The following SLC25A14 variants were observed in gnomAD, a reference collection of about 807,000 sequenced individuals.
SLC25A14 encodes solute carrier family 25 member 14.
A neutral mutation model predicts 28.1 loss-of-function variants in SLC25A14; 8 were observed. The observed-to-expected ratio is 0.28, with a 90% CI of 0.17 to 0.51. The LOEUF is 0.51. Among genes scored for constraint, SLC25A14 ranks in the 20% least tolerant of loss-of-function variants. SLC25A14 has a pLI of 0.97. For missense variants in SLC25A14, 135 were observed against 263.8 expected, an observed-to-expected ratio of 0.51 and a Z score of 3.38; for synonymous variants, 74 against 90.6, an observed-to-expected ratio of 0.82 and a Z score of 1.04.
chrX:130,350,544 C>T, intron 5 of SLC25A14, 102 bp from the exon 6 acceptor site: 1 of 363,905 alleles, frequency 2.7e-6, no homozygotes, highest in Admixed American at 4.7e-5. Flanking sequence ...TTTCTAAAGT[C>T]ATCTCTCTAA....
intron 7 of SLC25A14, among the ~76,000 whole-genome samples, chrX:130,363,414 G>T: frequency 8.9e-6 from 1 of 112,422 alleles, no homozygotes; most frequent in Non-Finnish European, 1.9e-5. Flanking sequence ...TAATTCCATT[G>T]TGTGGGTATA....
chrX:130,354,408 C>T (rs752454921), intron 6 of SLC25A14, among the ~76,000 whole-genome samples: 2 of 112,207 alleles, frequency 1.8e-5, no homozygotes, highest in African/African-American at 6.5e-5. Flanking sequence ...CCACCGTGCC[C>T]GACCGCCTTT....
At chrX:130,365,316 C>G (rs2034087726) in intron 8 of SLC25A14, 2 of 967,501 alleles carry the variant, frequency 2.1e-6, no homozygotes, top group South Asian at 3.9e-5. Context: ...TAGAAACTCT[C>G]CTTTAAAAAA....
At chrX:130,355,740 T>C (rs1255488628) in intron 6 of SLC25A14, among the ~76,000 whole-genome samples, 2 of 112,138 alleles carry the variant, frequency 1.8e-5, no homozygotes, top group Non-Finnish European at 3.8e-5. Context: ...TTAATAGTTA[T>C]GTTTCTTAAG....
chrX:130,340,988 T>C (rs1001015283), intron 2 of SLC25A14, among the ~76,000 whole-genome samples: 4 of 110,903 alleles, frequency 3.6e-5, no homozygotes, highest in Non-Finnish European at 7.6e-5. Context: ...TCCAGTTAGG[T>C]TCCTTTCTTC....
At chrX:130,345,540 AG>A (rs1203391205) in intron 3 of SLC25A14, among the ~76,000 whole-genome samples, 12 of 111,474 alleles carry the variant, frequency 1.1e-4, no homozygotes, top group African/African-American at 3.9e-4. Context: ...GAATATATAG[AG>A]GGAGTTGATA....
chrX:130,346,455 G>A lies in SLC25A14; in HGVS notation c.170-89G>A, dbSNP rs779652880. On this transcript the variant is annotated intron_variant, in intron 3 of 10. Transcript: ENST00000545805. ...GTGTTATAAAAAGGACTTTGTCTTA[G>A]GATTCAAATATTGTCCTTGGCTTAT... 3.4e-4 allele frequency: 258 copies of A among 767,464 alleles called. 1 individual carries two copies. The African/African-American group carries it at 4.7e-3, about 14-fold the overall frequency. 63.2% of individuals were successfully genotyped at this position (767,464 alleles called of 1,213,427 possible).
At chrX:130,364,499 G>T in intron 7 of SLC25A14, 129 bp from the exon 8 acceptor site, 1 of 375,267 alleles carries the variant, frequency 2.7e-6, no homozygotes. Flanking sequence ...TCATTGATTT[G>T]AAAGAGTGAC....
chrX:130,357,783 G>A (rs758956691), intron 6 of SLC25A14, among the ~76,000 whole-genome samples: 2 of 111,793 alleles, frequency 1.8e-5, no homozygotes, highest in East Asian at 5.6e-4. Context: ...GAGTCTGTGG[G>A]AAATTGTACC....
intron 7 of SLC25A14, among the ~76,000 whole-genome samples, chrX:130,363,129 A>G (rs938833785): frequency 5.3e-5 from 6 of 112,385 alleles, no homozygotes; most frequent in Non-Finnish European, 1.1e-4. Flanking sequence ...TAGTGCAGCC[A>G]TTACCACTGT....
chrX:130,370,059 G>T (rs2034226148), intron 9 of SLC25A14, among the ~76,000 whole-genome samples: 1 of 111,782 alleles, frequency 8.9e-6, no homozygotes, highest in African/African-American at 3.2e-5. Flanking sequence ...AACAGTCTAG[G>T]TTCTAGGTTA....
intron 3 of SLC25A14, among the ~76,000 whole-genome samples, chrX:130,345,741 T>C (rs1359253898): frequency 8.9e-6 from 1 of 112,170 alleles, no homozygotes; most frequent in East Asian, 2.8e-4. Context: ...TTGTCGTTTT[T>C]TTCATCTTCC....
chrX:130,342,708 G>A (rs1444390269), intron 2 of SLC25A14, among the ~76,000 whole-genome samples: 1 of 110,436 alleles, frequency 9.1e-6, no homozygotes, highest in Non-Finnish European at 1.9e-5. Flanking sequence ...TGGCAATGGT[G>A]GGTTTTGCCT....
Position 130,345,256 on chromosome X carries a change from C to G in SLC25A14, c.150C>G (p.Ala50=), listed in dbSNP as rs777353425. 8.4e-7 allele frequency: 1 copy of G among 1,183,957 alleles called. No individual in the cohort carries two copies. The highest frequency in any genetic ancestry group is 1.1e-6 in the Non-Finnish European group (1 of 871,581). The change falls in exon 3 of 11, where the codon GCC becomes GCG. Residue 50 remains alanine, a synonymous_variant. Coordinates refer to ENST00000545805, the MANE Select transcript of SLC25A14 (RefSeq NM_001282195.2). ...NWKPFVYGGL[A]SIVAEFGTFP... is the part of the protein sequence containing the mutation. ...AACCCTTTGTATATGGCGGCCTTGC[C>G]TCTATCGTGGCTGAGTTTGGTAAGA...
intron 9 of SLC25A14, among the ~76,000 whole-genome samples, chrX:130,369,337 C>T (rs1304506010): frequency 9.0e-6 from 1 of 111,474 alleles, no homozygotes; most frequent in Non-Finnish European, 1.9e-5. Flanking sequence ...GAGACCCTTA[C>T]TGTTTTTGTG....
At chrX:130,361,853 G>A (rs1461446023) in intron 7 of SLC25A14, among the ~76,000 whole-genome samples, 2 of 111,725 alleles carry the variant, frequency 1.8e-5, no homozygotes, top group Non-Finnish European at 3.8e-5. Context: ...GAAATATCCT[G>A]ATTTTTACAT....
rs191414466 is a variant in SLC25A14 at position 130,359,313 on chromosome X, A to G, written c.594+578A>G. On this transcript the variant is annotated intron_variant, in intron 7 of 10. Coordinates refer to ENST00000545805, the MANE Select transcript of SLC25A14 (RefSeq NM_001282195.2). ...GGTTGCAGTGAGCCAAGATCATGCC[A>G]CTGCACTCCAGCCTAGGTGACAGGG... Among the ~76,000 whole-genome samples the G allele has an allele frequency of 9.6e-3, 942 of 98,502 alleles. 7 individuals are homozygous for G. The highest frequency in any genetic ancestry group is 0.015 in the Non-Finnish European group (727 of 49,403). 85.5% of individuals were successfully genotyped at this position (98,502 alleles called of 115,157 possible).
At chrX:130,372,697 C>T (rs779586344) in intron 10 of SLC25A14, among the ~76,000 whole-genome samples, 1 of 110,425 alleles carries the variant, frequency 9.1e-6, no homozygotes, top group Admixed American at 9.7e-5. Flanking sequence ...CTCCTGACCT[C>T]GTGATCCACC....
At chrX:130,345,527 C>G (rs1056538887) in intron 3 of SLC25A14, among the ~76,000 whole-genome samples, 3 of 111,492 alleles carry the variant, frequency 2.7e-5, no homozygotes, top group African/African-American at 9.7e-5. Flanking sequence ...AAGTAAAATA[C>G]ATGAATATAT....
Sources: gnomAD v4.1 joint callset for allele counts (sites outside exome capture counted in the v4.1 genomes callset) on GRCh38, gnomAD v4.1.1 for gene constraint, MANE v1.5 for transcripts, NCBI Gene and HGNC (gene_info 2026-07-23, HGNC 2026-07-21) for gene names.